Variants in PGCKA1 observed in about 807,000 individuals in gnomAD.
The protein encoded by PGCKA1 is PDCD10 and GCKIII kinases-associated protein 1.
At chr4:37,471,018 G>A in the PGCKA1 span, among the ~76,000 whole-genome samples, 1 of 152,128 alleles carries the variant, frequency 6.6e-6, no homozygotes, top group African/African-American at 2.4e-5. Context: ...CACAAACAGA[G>A]AACTTTAATT....
chr4:37,462,962 C>CAAA, the PGCKA1 span, among the ~76,000 whole-genome samples: 5,128 of 60,138 alleles, frequency 0.085, 353 homozygotes, highest in Non-Finnish European at 0.13. Flanking sequence ...GACTCAGTAT[C>CAAA]AAAAAAAAAA....
chr4:37,564,518 T>TATTTA, the PGCKA1 span, among the ~76,000 whole-genome samples: 3 of 151,180 alleles, frequency 2.0e-5, no homozygotes, highest in African/African-American at 4.9e-5. Flanking sequence ...TTTATTTATT[T>TATTTA]TTTTTGAGAT....
chr4:37,561,876 T>C, the PGCKA1 span, among the ~76,000 whole-genome samples: 1 of 152,236 alleles, frequency 6.6e-6, no homozygotes, highest in Non-Finnish European at 1.5e-5. Context: ...TTCATTAACA[T>C]TGAGCTCAGG....
the PGCKA1 span, among the ~76,000 whole-genome samples, chr4:37,456,659 G>T: frequency 6.6e-6 from 1 of 152,216 alleles, no homozygotes; most frequent in Admixed American, 6.5e-5. Context: ...CATCATGTGC[G>T]TAGACCCAGA....
the PGCKA1 span, among the ~76,000 whole-genome samples, chr4:37,488,263 A>C: frequency 7.9e-4 from 120 of 152,182 alleles, no homozygotes; most frequent in Non-Finnish European, 1.4e-3. Flanking sequence ...TGTATTTCCT[A>C]AAAGACTAGT....
the PGCKA1 span, among the ~76,000 whole-genome samples, chr4:37,582,510 C>T: frequency 6.6e-6 from 1 of 152,220 alleles, no homozygotes; most frequent in Non-Finnish European, 1.5e-5. Context: ...TGCAGTGCAT[C>T]GGCTGTCATG....
chr4:37,591,080 T>G, the PGCKA1 span: 1 of 1,222,232 alleles, frequency 8.2e-7, no homozygotes, highest in Non-Finnish European at 1.2e-6. Context: ...GCATAGCAGG[T>G]GATTCTGCCA....
At chr4:37,497,465 T>C in the PGCKA1 span, among the ~76,000 whole-genome samples, 64 of 152,160 alleles carry the variant, frequency 4.2e-4, 1 homozygote, top group Non-Finnish European at 2.8e-4. Flanking sequence ...GTGGGATTGC[T>C]GGATCAAATA....
At chr4:37,531,940 C>T in the PGCKA1 span, among the ~76,000 whole-genome samples, 536 of 150,984 alleles carry the variant, frequency 3.6e-3, 5 homozygotes, top group African/African-American at 0.012. Context: ...ACTCAACACT[C>T]GTCACTTCCT....
At chr4:37,539,959 CTT>C in the PGCKA1 span, among the ~76,000 whole-genome samples, 1 of 152,052 alleles carries the variant, frequency 6.6e-6, no homozygotes, top group East Asian at 1.9e-4. Flanking sequence ...AAAAGCCTCT[CTT>C]CTAAATATTT....
chr4:37,504,937 T>C, the PGCKA1 span, among the ~76,000 whole-genome samples: 4 of 152,304 alleles, frequency 2.6e-5, no homozygotes, highest in African/African-American at 9.6e-5. Context: ...ATTTCTCTGG[T>C]TAGAACTTGC....
At chr4:37,488,361 A>G in the PGCKA1 span, among the ~76,000 whole-genome samples, 1 of 152,114 alleles carries the variant, frequency 6.6e-6, no homozygotes, top group Non-Finnish European at 1.5e-5. Flanking sequence ...AGCTTGTCAC[A>G]TGATAGCTGG....
the PGCKA1 span, among the ~76,000 whole-genome samples, chr4:37,573,487 T>A: frequency 4.6e-5 from 7 of 152,206 alleles, no homozygotes; most frequent in African/African-American, 1.7e-4. Context: ...CACCCCACTC[T>A]GAGATAACCA....
the PGCKA1 span, among the ~76,000 whole-genome samples, chr4:37,475,202 G>A: frequency 1.3e-5 from 2 of 152,138 alleles, no homozygotes; most frequent in Non-Finnish European, 1.5e-5. Context: ...AACCACAAGA[G>A]TGCCTTTTAA....
At chr4:37,463,266 T>C in the PGCKA1 span, among the ~76,000 whole-genome samples, 1 of 152,044 alleles carries the variant, frequency 6.6e-6, no homozygotes, top group South Asian at 2.1e-4. Flanking sequence ...AAAGCCGCCA[T>C]TACCTGGGTT....
the PGCKA1 span, among the ~76,000 whole-genome samples, chr4:37,459,693 C>G: frequency 2.0e-5 from 3 of 152,020 alleles, no homozygotes; most frequent in African/African-American, 7.2e-5. Flanking sequence ...AACAGGATCT[C>G]CCAGATGATT....
At chr4:37,579,892 G>A in the PGCKA1 span, among the ~76,000 whole-genome samples, 1 of 151,964 alleles carries the variant, frequency 6.6e-6, no homozygotes, top group African/African-American at 2.4e-5. Context: ...TTCTCCTTAT[G>A]GCCAATAACT....
At chr4:37,527,260 C>T in the PGCKA1 span, among the ~76,000 whole-genome samples, 3 of 152,102 alleles carry the variant, frequency 2.0e-5, no homozygotes, top group East Asian at 1.9e-4. Flanking sequence ...AAAAAAGTTA[C>T]AGTCAGCTAA....
At chr4:37,550,633 G>A in the PGCKA1 span, among the ~76,000 whole-genome samples, 7 of 152,168 alleles carry the variant, frequency 4.6e-5, no homozygotes, top group Non-Finnish European at 8.8e-5. Context: ...TTAATAAAAG[G>A]AGAGGTTCAA....
Sources: allele counts gnomAD v4.1 joint callset (sites outside exome capture counted in the v4.1 genomes callset), GRCh38; gene constraint gnomAD v4.1.1; transcripts MANE v1.5; gene names NCBI Gene and HGNC (gene_info 2026-07-23, HGNC 2026-07-21).